LRRC49: variants seen among roughly 807,000 people sequenced by gnomAD.
LRRC49 encodes the protein leucine-rich repeat-containing protein 49.
A neutral mutation model predicts 83.3 loss-of-function variants in LRRC49; 50 were observed. The observed-to-expected ratio is 0.60, with a 90% confidence interval of 0.48 to 0.76. The LOEUF is 0.76. LRRC49 is among the 30% of genes least tolerant of loss of function. The pLI, the probability that LRRC49 is intolerant of heterozygous loss-of-function variation, is 0.00. For missense variants in LRRC49, 704 were observed against 809.1 expected (o/e 0.87, Z 1.58); for synonymous variants, 286 against 283.3 (o/e 1.01, Z -0.10).
At chr15:70,872,811 T>A (rs1193365955) in intron 1 of LRRC49, 2 of 205,476 alleles carry the variant, frequency 9.7e-6, no homozygotes, top group Non-Finnish European at 1.0e-5. Context: ...AAAGAGGACG[T>A]TTTCTCCAAG....
chr15:70,891,423 A>C (rs1401497035), upstream of LRRC49, among the ~76,000 whole-genome samples: 2 of 152,192 alleles, frequency 1.3e-5, no homozygotes, highest in Non-Finnish European at 2.9e-5. Context: ...GACACAAATA[A>C]GGGACTTTCC....
intron 1 of LRRC49, among the ~76,000 whole-genome samples, chr15:70,870,387 T>G (rs1362150254): frequency 6.1e-5 from 2 of 32,936 alleles, no homozygotes; most frequent in East Asian, 1.1e-3. Flanking sequence ...GGTTACCACT[T>G]TTTTTGTGAC....
upstream of LRRC49, among the ~76,000 whole-genome samples, chr15:70,888,583 TTTAAGTA>T (rs1481236562): frequency 2.6e-5 from 4 of 152,126 alleles, no homozygotes; most frequent in South Asian, 4.1e-4. Context: ...AGTAAAATGT[TTTAAGTA>T]TTAAGAATAA....
chr15:70,974,172 C>T (rs1034915753), intron 9 of LRRC49, among the ~76,000 whole-genome samples: 1 of 152,044 alleles, frequency 6.6e-6, no homozygotes, highest in Non-Finnish European at 1.5e-5. Flanking sequence ...TTTGTGAGTA[C>T]TTAGGAATTG....
chr15:70,916,731 C>T (rs545765839), intron 6 of LRRC49, among the ~76,000 whole-genome samples: 1 of 152,294 alleles, frequency 6.6e-6, no homozygotes, highest in Admixed American at 6.5e-5. Context: ...GGAGCCCTGC[C>T]CCTTCCGAGT....
intron 10 of LRRC49, 50 bp from the exon 11 acceptor site, chr15:70,984,044 G>C (rs1275390431): frequency 6.8e-7 from 1 of 1,468,282 alleles, no homozygotes; most frequent in Non-Finnish European, 9.5e-7. Flanking sequence ...TGTCACTTCT[G>C]CTACAAAAAT....
Position 71,044,658 on chromosome 15 carries a change from C to T in LRRC49, c.1858-4751C>T, listed in dbSNP as rs556982835. 1.1e-4 allele frequency among the ~76,000 whole-genome samples: 16 copies of T among 151,706 alleles called. No homozygotes were observed. In the South Asian group the frequency reaches 2.3e-3, roughly 22 times the overall value. On this transcript the variant is annotated intron_variant, in intron 15 of 15. Transcript: ENST00000260382. Reference sequence around the variant, plus strand: ...AAAATTAGCTGGGTGTGGTGGTGCACGCCTGTGGTCACAACTGCTGGAGAA... The same window carrying T: ...AAAATTAGCTGGGTGTGGTGGTGCATGCCTGTGGTCACAACTGCTGGAGAA...
At chr15:70,875,912 G>A (rs2033143379) in intron 2 of LRRC49, among the ~76,000 whole-genome samples, 1 of 152,212 alleles carries the variant, frequency 6.6e-6, no homozygotes, top group Non-Finnish European at 1.5e-5. Flanking sequence ...TACATAAAGG[G>A]AAGATGCAAG....
chr15:70,948,797 G>T (rs1003550330), intron 8 of LRRC49, among the ~76,000 whole-genome samples: 4 of 152,006 alleles, frequency 2.6e-5, no homozygotes, highest in African/African-American at 9.7e-5. Context: ...TCCTTTTTGA[G>T]TTATCATTGT....
chr15:70,975,797 A>C (rs1282070425), intron 9 of LRRC49, among the ~76,000 whole-genome samples: 2 of 145,586 alleles, frequency 1.4e-5, no homozygotes, highest in African/African-American at 5.0e-5. Flanking sequence ...TTTGCTCTCC[A>C]AAAAAAAAAA....
At chr15:70,938,257 T>C (rs1287441736) in intron 8 of LRRC49, among the ~76,000 whole-genome samples, 2 of 152,134 alleles carry the variant, frequency 1.3e-5, no homozygotes, top group Non-Finnish European at 2.9e-5. Context: ...GGAAGTTTTC[T>C]TCCCAACCTG....
chr15:70,966,287 T>C (rs1180999384), intron 9 of LRRC49, among the ~76,000 whole-genome samples: 3 of 152,110 alleles, frequency 2.0e-5, no homozygotes, highest in Admixed American at 1.3e-4. Flanking sequence ...AGTGAACTCA[T>C]AGGGAGTGAT....
intron 8 of LRRC49, among the ~76,000 whole-genome samples, chr15:70,939,150 C>T (rs536521289): frequency 8.5e-5 from 13 of 152,140 alleles, no homozygotes; most frequent in African/African-American, 3.1e-4. Context: ...CTTATATTTC[C>T]ACTATTATTG....
intron 14 of LRRC49, among the ~76,000 whole-genome samples, chr15:71,019,962 C>T (rs1333860631): frequency 2.6e-5 from 4 of 151,748 alleles, no homozygotes; most frequent in Non-Finnish European, 2.9e-5. Context: ...TGTAAAAGAA[C>T]TGGAAGGAAA....
chr15:70,897,022 C>T (rs919883413), intron 3 of LRRC49, among the ~76,000 whole-genome samples: 1 of 152,114 alleles, frequency 6.6e-6, no homozygotes. Flanking sequence ...GTTTTAGGTA[C>T]AGAATTATAG....
At chr15:71,028,336 A>G (rs1260765792) in intron 14 of LRRC49, among the ~76,000 whole-genome samples, 1 of 152,066 alleles carries the variant, frequency 6.6e-6, no homozygotes, top group African/African-American at 2.4e-5. Context: ...GTCCTGCTGG[A>G]TTCAGTTGGC....
intron 9 of LRRC49, among the ~76,000 whole-genome samples, chr15:70,968,328 A>G (rs2036867736): frequency 6.6e-6 from 1 of 152,050 alleles, no homozygotes; most frequent in Admixed American, 6.6e-5. Context: ...ATTCTTTTTT[A>G]TGGCTGCATA....
At chr15:71,011,427 T>A (rs2038647304) in intron 13 of LRRC49, among the ~76,000 whole-genome samples, 1 of 152,164 alleles carries the variant, frequency 6.6e-6, no homozygotes, top group Non-Finnish European at 1.5e-5. Context: ...TGTAGTTATA[T>A]AAAGTGGAGA....
intron 7 of LRRC49, among the ~76,000 whole-genome samples, chr15:70,921,293 C>T (rs1259081782): frequency 6.6e-6 from 1 of 152,154 alleles, no homozygotes; most frequent in Non-Finnish European, 1.5e-5. Context: ...TTTTTTCCCT[C>T]TGATTCTTAT....
Sources: allele counts gnomAD v4.1 joint callset (sites outside exome capture counted in the v4.1 genomes callset), GRCh38; gene constraint gnomAD v4.1.1; transcripts MANE v1.5; gene names NCBI Gene and HGNC (gene_info 2026-07-23, HGNC 2026-07-21).